GRIN2A: variants seen among roughly 807,000 people sequenced by gnomAD.
GRIN2A encodes the protein glutamate ionotropic receptor NMDA type subunit 2A, also known as glutamate receptor ionotropic, NMDA 2A.
A neutral mutation model predicts 113.4 loss-of-function variants in GRIN2A; 22 were observed. That is an observed-to-expected ratio of 0.19 (90% CI 0.14 to 0.28). The LOEUF (loss-of-function observed/expected upper bound fraction) is 0.28, where lower values mean the gene tolerates loss of function less well. Ranked by LOEUF, GRIN2A falls within the 10% of genes least tolerant of loss-of-function variation. The probability of loss-of-function intolerance (pLI) is 1.00; values close to 1 mark genes in which losing one functional copy is unlikely to be tolerated. For synonymous variants in GRIN2A, 827 were observed against 738.4 expected (o/e 1.12, Z -1.94); for missense variants, 1,502 against 1,887.0 (o/e 0.80, Z 3.78).
intron 2 of GRIN2A, among the ~76,000 whole-genome samples, chr16:9,998,415 TAATA>T: frequency 6.6e-6 from 1 of 152,330 alleles, no homozygotes; most frequent in Admixed American, 6.5e-5. Context: ...TGTGAATACT[TAATA>T]GATACAGAAT....
chr16:10,172,206 C>G (rs1269383063), intron 2 of GRIN2A, among the ~76,000 whole-genome samples: 2 of 152,198 alleles, frequency 1.3e-5, no homozygotes, highest in Admixed American at 1.3e-4. Context: ...TAAGGTCACA[C>G]AGGTATTTTT....
intron 2 of GRIN2A, among the ~76,000 whole-genome samples, chr16:9,979,463 C>A (rs887159336): frequency 3.3e-5 from 5 of 152,122 alleles, no homozygotes; most frequent in Admixed American, 2.0e-4. Context: ...ATCATCAGGA[C>A]CTCCTTTTTA....
chr16:10,179,820 T>C, intron 2 of GRIN2A, 178 bp downstream of exon 2: 1 of 653,218 alleles, frequency 1.5e-6, no homozygotes, highest in Non-Finnish European at 2.8e-6. Context: ...GCATTTCCAT[T>C]CATTTCTGGG....
chr16:9,973,132 G>T (rs1221857081), intron 2 of GRIN2A, among the ~76,000 whole-genome samples: 1 of 152,132 alleles, frequency 6.6e-6, no homozygotes, highest in South Asian at 2.1e-4. Flanking sequence ...CTCAAGTACC[G>T]ATCTTAGGTT....
At chr16:9,886,347 G>T (rs773881536) in intron 4 of GRIN2A, among the ~76,000 whole-genome samples, 2 of 152,132 alleles carry the variant, frequency 1.3e-5, no homozygotes, top group African/African-American at 2.4e-5. Flanking sequence ...AGAAAGTAAT[G>T]ATATAAGAAA....
chr16:9,865,246 G>C (rs1037406971), intron 4 of GRIN2A, among the ~76,000 whole-genome samples: 2 of 152,116 alleles, frequency 1.3e-5, no homozygotes, highest in Non-Finnish European at 2.9e-5. Context: ...CCTTGGGATG[G>C]GATGGATAAG....
intron 2 of GRIN2A, among the ~76,000 whole-genome samples, chr16:10,004,959 G>T (rs1238758167): frequency 6.6e-6 from 1 of 152,154 alleles, no homozygotes; most frequent in Non-Finnish European, 1.5e-5. Flanking sequence ...ACAATTTTAA[G>T]AATTGTTACT....
At chr16:9,861,541 T>C (rs1008302487) in intron 4 of GRIN2A, among the ~76,000 whole-genome samples, 2 of 152,172 alleles carry the variant, frequency 1.3e-5, no homozygotes, top group Non-Finnish European at 2.9e-5. Flanking sequence ...GATCTAAATG[T>C]AATTGATCCA....
chr16:9,769,334 TAG>T (rs910465899), intron 11 of GRIN2A: 31 of 206,898 alleles, frequency 1.5e-4, no homozygotes, highest in South Asian at 3.0e-4. Context: ...AATATATATA[TAG>T]AGAGAGAGTA....
intron 2 of GRIN2A, among the ~76,000 whole-genome samples, chr16:10,061,828 C>T (rs2047555211): frequency 6.6e-6 from 1 of 152,092 alleles, no homozygotes; most frequent in Non-Finnish European, 1.5e-5. Flanking sequence ...GGAGTTCCCT[C>T]CAAAAGTGGC....
intron 2 of GRIN2A, among the ~76,000 whole-genome samples, chr16:10,101,912 G>A (rs1381354966): frequency 6.6e-6 from 1 of 152,172 alleles, no homozygotes; most frequent in Non-Finnish European, 1.5e-5. Context: ...TCAATTTCTA[G>A]AACATCGAGC....
chr16:9,808,761 C>T (rs1009380422), intron 10 of GRIN2A, among the ~76,000 whole-genome samples: 18 of 152,194 alleles, frequency 1.2e-4, no homozygotes, highest in Admixed American at 7.2e-4. Context: ...AAATTGACTA[C>T]GTAAGTTTGA....
At chr16:10,042,209 A>G (rs2047178248) in intron 2 of GRIN2A, among the ~76,000 whole-genome samples, 1 of 152,196 alleles carries the variant, frequency 6.6e-6, no homozygotes, top group African/African-American at 2.4e-5. Context: ...TTCAAAAGGT[A>G]AAGCTTAATC....
intron 2 of GRIN2A, among the ~76,000 whole-genome samples, chr16:10,007,700 G>A (rs1045654285): frequency 6.6e-6 from 1 of 151,974 alleles, no homozygotes; most frequent in Non-Finnish European, 1.5e-5. Flanking sequence ...TTAATTTAGG[G>A]GGCTAAAAGT....
At chr16:9,778,674 C>T (rs1249632847) in intron 11 of GRIN2A, among the ~76,000 whole-genome samples, 1 of 152,220 alleles carries the variant, frequency 6.6e-6, no homozygotes, top group Non-Finnish European at 1.5e-5. Flanking sequence ...TTACACGTGC[C>T]TTTCACAGGA....
At chr16:10,054,616 C>T (rs1440396952) in intron 2 of GRIN2A, among the ~76,000 whole-genome samples, 1 of 151,960 alleles carries the variant, frequency 6.6e-6, no homozygotes, top group East Asian at 1.9e-4. Flanking sequence ...GACAAAGTGC[C>T]CATCATTCAG....
intron 11 of GRIN2A, among the ~76,000 whole-genome samples, chr16:9,783,453 CT>C (rs1314187318): frequency 2.0e-5 from 3 of 152,226 alleles, no homozygotes; most frequent in Non-Finnish European, 4.4e-5. Flanking sequence ...GCAATAAAGG[CT>C]TTCATGTCTA....
At chr16:9,868,428 G>C (rs1430434530) in intron 4 of GRIN2A, among the ~76,000 whole-genome samples, 1 of 152,030 alleles carries the variant, frequency 6.6e-6, no homozygotes, top group South Asian at 2.1e-4. Context: ...TACCACACCT[G>C]GGTAATTTTT....
At chr16:9,810,907 G>A (rs1324404502) in intron 10 of GRIN2A, among the ~76,000 whole-genome samples, 1 of 152,220 alleles carries the variant, frequency 6.6e-6, no homozygotes, top group African/African-American at 2.4e-5. Flanking sequence ...GGGAGAGGCA[G>A]CTGTCTGGGG....
Sources: gnomAD v4.1 joint callset for allele counts (sites outside exome capture counted in the v4.1 genomes callset) on GRCh38, gnomAD v4.1.1 for gene constraint, MANE v1.5 for transcripts, NCBI Gene and HGNC (gene_info 2026-07-23, HGNC 2026-07-21) for gene names.